The following MAP7 variants were observed in gnomAD, a reference collection of about 807,000 sequenced individuals.
MAP7 encodes the protein ensconsin.
Under a neutral mutation model 94.8 loss-of-function variants are expected in MAP7, and 52 were observed. The observed-to-expected ratio is 0.55, with a 90% confidence interval of 0.44 to 0.69. MAP7 has a LOEUF of 0.69. MAP7 is among the 30% of genes least tolerant of loss of function. The pLI, the probability that MAP7 is intolerant of heterozygous loss-of-function variation, is 0.00. For missense variants in MAP7, 940 were observed against 964.6 expected (o/e 0.97, Z 0.34); for synonymous variants, 350 against 357.0 (o/e 0.98, Z 0.22).
intron 1 of MAP7, among the ~76,000 whole-genome samples, chr6:136,469,241 T>C (rs749500581): frequency 1.7e-4 from 26 of 152,136 alleles, no homozygotes; most frequent in Non-Finnish European, 3.1e-4. Flanking sequence ...AAGACTAAGG[T>C]ATCAGCTTAT....
chr6:136,498,340 T>C (rs997007645), intron 1 of MAP7, among the ~76,000 whole-genome samples: 8 of 152,020 alleles, frequency 5.3e-5, no homozygotes, highest in South Asian at 2.1e-4. Context: ...GGCCCGTACA[T>C]AGAGTAGCAC....
At chr6:136,443,331 G>A (rs930143890) in intron 1 of MAP7, among the ~76,000 whole-genome samples, 4 of 152,020 alleles carry the variant, frequency 2.6e-5, no homozygotes, top group African/African-American at 9.7e-5. Flanking sequence ...ATTTACAAAC[G>A]CTTGGAGTTA....
intron 1 of MAP7, among the ~76,000 whole-genome samples, chr6:136,527,746 A>G (rs1828110220): frequency 6.6e-6 from 1 of 152,210 alleles, no homozygotes; most frequent in African/African-American, 2.4e-5. Flanking sequence ...CAGTTCAACT[A>G]TCAATGCTAC....
At chr6:136,525,967 C>A in intron 1 of MAP7, 1 of 1,490,196 alleles carries the variant, frequency 6.7e-7, no homozygotes, top group Non-Finnish European at 8.8e-7. Flanking sequence ...CCAGGCATAC[C>A]GCTGCTACTT....
intron 1 of MAP7, among the ~76,000 whole-genome samples, chr6:136,450,732 T>G (rs1442633337): frequency 6.6e-6 from 1 of 151,512 alleles, no homozygotes; most frequent in Admixed American, 6.6e-5. Context: ...TGTGGTGAGC[T>G]GAGACCACTC....
chr6:136,405,757 C>T (rs1324238296), intron 3 of MAP7, among the ~76,000 whole-genome samples: 1 of 152,194 alleles, frequency 6.6e-6, no homozygotes, highest in Admixed American at 6.5e-5. Flanking sequence ...AAAGATCTAG[C>T]TGTCTTGGGC....
chr6:136,348,626 G>A (rs1053977296), intron 16 of MAP7, among the ~76,000 whole-genome samples: 3 of 152,156 alleles, frequency 2.0e-5, no homozygotes, highest in African/African-American at 7.2e-5. Context: ...GCAAGAATCT[G>A]CAGTCCACAC....
intron 3 of MAP7, among the ~76,000 whole-genome samples, chr6:136,411,299 A>G (rs1787365430): frequency 6.6e-6 from 1 of 152,230 alleles, no homozygotes; most frequent in Non-Finnish European, 1.5e-5. Flanking sequence ...GTATAATCTC[A>G]TAACTTTTCA....
chr6:136,389,319 G>A, intron 4 of MAP7, 35 bp downstream of exon 4: 1 of 1,511,784 alleles, frequency 6.6e-7, no homozygotes, highest in Non-Finnish European at 8.8e-7. Flanking sequence ...CTGAACTAGA[G>A]GAGCCACTCA....
At chr6:136,507,029 G>A (rs1209059606) in intron 1 of MAP7, among the ~76,000 whole-genome samples, 3 of 152,078 alleles carry the variant, frequency 2.0e-5, no homozygotes, top group South Asian at 2.1e-4. Flanking sequence ...GAGGCACCCC[G>A]GAGTCTCCAA....
Position 136,361,175 on chromosome 6 carries a change from T to C in MAP7, c.1531A>G (p.Lys511Glu), listed in dbSNP as rs1435574439. The change falls in exon 12 of 18, where the codon AAG (lysine) becomes GAG (glutamate). Residue 511 changes from lysine (K) to glutamate (E), a missense_variant. By Grantham distance (56) the Lys-to-Glu change is moderately conservative. Coordinates refer to ENST00000354570, the MANE Select transcript of MAP7 (RefSeq NM_003980.6). ...RREQEELERQKREELAQRVAE... is the reference protein window; with the variant it reads ...RREQEELERQEREELAQRVAE... The stretch of plus-strand genomic sequence containing the variant: ...ACACGTTGAGCCAATTCCTCTCTCT[T>C]TTGTCTGGAAAAAGACAGAACAAAA... The C allele has an allele frequency of 6.2e-7, 1 of 1,602,306 alleles. No individual in the cohort carries two copies. The highest frequency in any genetic ancestry group is 8.5e-7 in the Non-Finnish European group (1 of 1,179,928).
chr6:136,432,739 A>G (rs1582896570), intron 1 of MAP7, among the ~76,000 whole-genome samples: 1 of 152,162 alleles, frequency 6.6e-6, no homozygotes, highest in East Asian at 1.9e-4. Context: ...TCAACTGCAC[A>G]TTTGCTTATA....
rs1445925575 is a variant in MAP7, at chr6:136,454,271, T to TGATC, written c.68-32476_68-32473dup. On this transcript the variant is annotated intron_variant, in intron 1 of 17. Coordinates refer to ENST00000354570, the MANE Select transcript of MAP7 (RefSeq NM_003980.6). ...TCATGAAGACTTAACCCTACCTAAA[T>TGATC]GATCTATCTATCTATCTATCTATCT... is the stretch of plus-strand genomic sequence containing the variant. Among the ~76,000 whole-genome samples, 528 of 108,984 alleles carry TGATC rather than the reference T, an allele frequency of 4.8e-3. 4 individuals carry two copies. The highest frequency in any genetic ancestry group is 0.019 in the African/African-American group (505 of 27,158). The allele number at this position is 108,984 out of a possible 152,430, so 71.5% of individuals were successfully genotyped here. A position where few individuals can be genotyped will look rare whatever the true frequency, so the allele number is the denominator to read the frequency against.
chr6:136,345,326 C>T (rs1787365903), intron 17 of MAP7, among the ~76,000 whole-genome samples: 1 of 152,142 alleles, frequency 6.6e-6, no homozygotes. Flanking sequence ...GGTTTCATCA[C>T]CTAAATCGTA....
At chr6:136,457,913 C>T (rs1259059056) in intron 1 of MAP7, among the ~76,000 whole-genome samples, 1 of 152,094 alleles carries the variant, frequency 6.6e-6, no homozygotes, top group African/African-American at 2.4e-5. Context: ...CTCACCACTT[C>T]TATTCAACAC....
rs746501067 is a variant in MAP7 at position 136,550,355 on chromosome 6, C to A, written c.54G>T (p.Val18=). The A allele has an allele frequency of 6.5e-7, 1 of 1,527,954 alleles. No homozygotes were observed. Among genetic ancestry groups the A allele is most frequent in the South Asian group, 1.2e-5 (1 of 83,258 alleles). The allele number at this position is 1,527,954 out of a possible 1,614,324, so 94.6% of individuals were successfully genotyped here. The change falls in exon 1 of 18, where the codon GTG becomes GTT. Residue 18 remains valine (V), a synonymous_variant. Transcript: ENST00000354570. This position sits in a 1 kb window ranked among gnomAD's most constrained non-coding sequence, Gnocchi z 5.1. ...GDGHRGGDGA[V]RSETAPDSYK... is the part of the protein sequence containing the mutation. The stretch of plus-strand genomic sequence containing the variant: ...CTGTGCGGTCACCTGTTTCGCTTCG[C>A]ACTGCGCCGTCGCCGCCCCTGTGGC...
intron 2 of MAP7, among the ~76,000 whole-genome samples, chr6:136,415,650 T>C (rs1789154261): frequency 6.6e-6 from 1 of 152,240 alleles, no homozygotes; most frequent in African/African-American, 2.4e-5. Flanking sequence ...AGTTTTTCTC[T>C]GATTTCTATG....
intron 1 of MAP7, among the ~76,000 whole-genome samples, chr6:136,522,341 C>A (rs971942241): frequency 5.9e-5 from 9 of 152,160 alleles, no homozygotes; most frequent in Admixed American, 5.9e-4. Context: ...AGAGTAATCA[C>A]TCCTTCAAGA....
chr6:136,487,261 T>C lies in MAP7; in HGVS notation c.67+63081A>G, dbSNP rs367543835. 2.4e-4 allele frequency among the ~76,000 whole-genome samples: 36 copies of C among 152,330 alleles called. 1 individual carries two copies. In the East Asian group the frequency reaches 4.6e-3, roughly 20 times the overall value. ...TGTAAACTGTAAAGAAAATGGGTTG[T>C]AAAATCATATATGTAATGATATGCC... On this transcript the variant is annotated intron_variant, in intron 1 of 17. Coordinates refer to ENST00000354570, the MANE Select transcript of MAP7 (RefSeq NM_003980.6).
Sources: allele counts gnomAD v4.1 joint callset (sites outside exome capture counted in the v4.1 genomes callset), GRCh38; gene constraint gnomAD v4.1.1; non-coding constraint Gnocchi (gnomAD v3.1); transcripts MANE v1.5; gene names NCBI Gene and HGNC (gene_info 2026-07-23, HGNC 2026-07-21).